PRMT8: variants seen among roughly 807,000 people sequenced by gnomAD.
PRMT8 encodes protein arginine N-methyltransferase 8.
Under a neutral mutation model 47.1 loss-of-function variants are expected in PRMT8, and 7 were observed. The ratio of observed to expected loss-of-function variants is 0.15; its 90% confidence interval spans 0.08 to 0.28. The LOEUF (loss-of-function observed/expected upper bound fraction) is 0.28. PRMT8 is among the 10% of genes least tolerant of loss of function. The probability of loss-of-function intolerance (pLI) is 1.00; values close to 1 mark genes in which losing one functional copy is unlikely to be tolerated. For synonymous variants in PRMT8, 188 were observed against 186.5 expected, an observed-to-expected ratio of 1.01 and a Z score of -0.07; for missense variants, 237 against 505.4, an observed-to-expected ratio of 0.47 and a Z score of 5.09.
rs1253990846 is a variant in PRMT8, at chr12:3,492,359, A to G, written c.75+659A>G. ...TGGGTAGCTAAACCCGGCAGGGCAC[A>G]CGGGCCGCGGCCACCTTCAGCACCA... On this transcript the variant is annotated intron_variant, in intron 1 of 9. Coordinates refer to ENST00000382622, the MANE Select transcript of PRMT8 (RefSeq NM_019854.5). The surrounding 1 kb of genome is among the most constrained non-coding windows in gnomAD (Gnocchi z 7.5). Among the ~76,000 whole-genome samples, 1 of 151,932 alleles carries G rather than the reference A, an allele frequency of 6.6e-6. No individual in the cohort carries two copies. Among genetic ancestry groups the G allele is most frequent in the Non-Finnish European group, 1.5e-5 (1 of 67,936 alleles).
chr12:3,406,824 A>G (rs541202926), intron 1 of PRMT8, among the ~76,000 whole-genome samples: 2 of 152,180 alleles, frequency 1.3e-5, no homozygotes, highest in Middle Eastern at 3.4e-3. Context: ...ACTTTCCCAC[A>G]TTTTCTTGTC....
intron 1 of PRMT8, among the ~76,000 whole-genome samples, chr12:3,406,792 C>T (rs1003059478): frequency 2.0e-5 from 3 of 152,196 alleles, no homozygotes; most frequent in African/African-American, 7.2e-5. Context: ...TCTGAGCCCT[C>T]CAAGTCTCTA....
intron 1 of PRMT8, among the ~76,000 whole-genome samples, chr12:3,474,382 G>T (rs956546286): frequency 6.6e-6 from 1 of 152,098 alleles, no homozygotes; most frequent in African/African-American, 2.4e-5. Flanking sequence ...ACACTTTTGC[G>T]CCTTTGTTCT....
rs138544800 is a variant in PRMT8 at position 3,495,335 on chromosome 12, A to G, written c.75+3635A>G. 2.0e-5 allele frequency among the ~76,000 whole-genome samples: 3 copies of G among 152,326 alleles called. No individual in the cohort carries two copies. The East Asian group carries it at 5.8e-4, about 29-fold the overall frequency. Reference sequence around the variant, plus strand: ...CTAGATAAAGCCCAGTTTCCTTAGCATGGTGTGCAAAGCCCATCAATACCT... The same window carrying G: ...CTAGATAAAGCCCAGTTTCCTTAGCGTGGTGTGCAAAGCCCATCAATACCT... On this transcript the variant is annotated intron_variant, in intron 1 of 9. Coordinates refer to ENST00000382622, the MANE Select transcript of PRMT8 (RefSeq NM_019854.5).
At chr12:3,421,969 C>T (rs879579836) in intron 1 of PRMT8, among the ~76,000 whole-genome samples, 13 of 152,174 alleles carry the variant, frequency 8.5e-5, no homozygotes, top group Non-Finnish European at 1.9e-4. Flanking sequence ...CATGGCCCCC[C>T]TCCTCAGTGC....
Position 3,570,914 on chromosome 12 carries a change from AG to A in PRMT8, c.712+1356del, listed in dbSNP as rs918778797. On this transcript the variant is annotated intron_variant, in intron 6 of 9. Transcript: ENST00000382622. The surrounding 1 kb of genome is among the most constrained non-coding windows in gnomAD (Gnocchi z 5.5). Reference sequence around the variant, plus strand: ...ATACCAAATGAGGACAGTGAGAGGCAGGGGGGCCCAGGTTAAATGCTTTGCA... The same window carrying A: ...ATACCAAATGAGGACAGTGAGAGGCAGGGGGCCCAGGTTAAATGCTTTGCA... 2.7e-4 allele frequency among the ~76,000 whole-genome samples: 41 copies of A among 152,276 alleles called. No individual in the cohort carries two copies. The highest frequency in any genetic ancestry group is 5.5e-4 in the African/African-American group (23 of 41,538).
intron 1 of PRMT8, among the ~76,000 whole-genome samples, chr12:3,384,598 C>T (rs1221498337): frequency 1.3e-5 from 2 of 152,126 alleles, no homozygotes; most frequent in South Asian, 2.1e-4. Context: ...GGTTGCAAGT[C>T]GGCTACAGAG....
intron 1 of PRMT8, among the ~76,000 whole-genome samples, chr12:3,384,474 T>C (rs994788285): frequency 5.9e-5 from 9 of 152,164 alleles, no homozygotes; most frequent in African/African-American, 2.2e-4. Context: ...GAAATGTATT[T>C]TTTTCTCTGA....
intron 4 of PRMT8, among the ~76,000 whole-genome samples, chr12:3,556,417 C>T (rs1866528818): frequency 6.6e-6 from 1 of 151,924 alleles, no homozygotes; most frequent in Admixed American, 6.6e-5. Context: ...CCATGAAGCC[C>T]AGGGAGGGGG....
At chr12:3,511,590 A>G (rs1865714748) in intron 1 of PRMT8, among the ~76,000 whole-genome samples, 1 of 152,062 alleles carries the variant, frequency 6.6e-6, no homozygotes, top group Admixed American at 6.6e-5. Flanking sequence ...CTATGCATCT[A>G]AGTGCAAGAG....
At chr12:3,575,763 T>A (rs1866929613) in intron 6 of PRMT8, among the ~76,000 whole-genome samples, 1 of 152,186 alleles carries the variant, frequency 6.6e-6, no homozygotes, top group Non-Finnish European at 1.5e-5. Flanking sequence ...TCATGCCTGT[T>A]ATCCCAGCAC....
At chr12:3,482,872 C>T (rs918650997) in intron 1 of PRMT8, among the ~76,000 whole-genome samples, 6 of 152,124 alleles carry the variant, frequency 3.9e-5, no homozygotes, top group Admixed American at 1.3e-4. Flanking sequence ...CCATCTCTCT[C>T]GGCAAATGGG....
At position 3,507,600 on chromosome 12, in the gene PRMT8, C is replaced by G. The variant is rs993141629; in HGVS notation, c.75+15900C>G. Among the ~76,000 whole-genome samples the G allele has an allele frequency of 3.3e-5, 5 of 151,986 alleles. 1 individual carries two copies. The highest frequency in any genetic ancestry group is 6.5e-5 in the Admixed American group (1 of 15,270). Reference sequence around the variant, plus strand: ...GCCCATCAGAAGTGTAGATAGGGCCCTAATTAAGGCATGTTCTCTATTAAC... The same window carrying G: ...GCCCATCAGAAGTGTAGATAGGGCCGTAATTAAGGCATGTTCTCTATTAAC... On this transcript the variant is annotated intron_variant, in intron 1 of 9. Coordinates refer to ENST00000382622, the MANE Select transcript of PRMT8 (RefSeq NM_019854.5).
intron 1 of PRMT8, among the ~76,000 whole-genome samples, chr12:3,446,947 A>G (rs1864861764): frequency 6.6e-6 from 1 of 152,206 alleles, no homozygotes; most frequent in East Asian, 1.9e-4. Context: ...ACAATTCCAC[A>G]TGTGTGGTAT....
At chr12:3,383,818 C>A (rs1232260011) in intron 1 of PRMT8, among the ~76,000 whole-genome samples, 1 of 152,104 alleles carries the variant, frequency 6.6e-6, no homozygotes, top group Non-Finnish European at 1.5e-5. Flanking sequence ...CCAAATGTTT[C>A]CTTTCTGTTT....
chr12:3,541,215 T>C lies in PRMT8; in HGVS notation c.261+424T>C, dbSNP rs532898651. Among the ~76,000 whole-genome samples, 4 of 152,336 alleles carry C rather than the reference T, an allele frequency of 2.6e-5. No homozygotes were observed. The East Asian group carries it at 7.7e-4, about 29-fold the overall frequency. ...TCATGATGTGCATTCTTTTGACCAA[T>C]GAGCACCTCCGGGGGAAGAGCTGCA... On this transcript the variant is annotated intron_variant, in intron 2 of 9. Transcript: ENST00000382622.
At position 3,491,367 on chromosome 12, in the gene PRMT8, G is replaced by T; in HGVS notation, c.-259G>T. The T allele has an allele frequency of 9.3e-6, 11 of 1,177,048 alleles. No individual in the cohort carries two copies. Among genetic ancestry groups the T allele is most frequent in the African/African-American group, 3.2e-5 (2 of 63,082 alleles). The allele number at this position is 1,177,048 out of a possible 1,614,324, so 72.9% of individuals were successfully genotyped here. On this transcript the variant is annotated 5_prime_UTR_variant, in exon 1 of 10. Coordinates refer to ENST00000382622, the MANE Select transcript of PRMT8 (RefSeq NM_019854.5). ...TAGCCCGCAGCGCGGGTGGAGAGGG[G>T]CGGGGAGGGGGTCGGGGGCACGAGA... is the stretch of plus-strand genomic sequence containing the variant.
At chr12:3,429,193 G>A (rs1041311707) in intron 1 of PRMT8, among the ~76,000 whole-genome samples, 2 of 152,176 alleles carry the variant, frequency 1.3e-5, no homozygotes, top group African/African-American at 4.8e-5. Context: ...CTATGTACAG[G>A]AACTGGTCTG....
intron 1 of PRMT8, among the ~76,000 whole-genome samples, chr12:3,536,673 G>T (rs570406128): frequency 6.6e-6 from 1 of 152,308 alleles, no homozygotes; most frequent in African/African-American, 2.4e-5. Context: ...CTCCCTGGTG[G>T]CTGAGGTGTG....
Sources: allele counts gnomAD v4.1 joint callset (sites outside exome capture counted in the v4.1 genomes callset), GRCh38; gene constraint gnomAD v4.1.1; non-coding constraint Gnocchi (gnomAD v3.1); transcripts MANE v1.5; gene names NCBI Gene and HGNC (gene_info 2026-07-23, HGNC 2026-07-21).